XXYLT1: variants seen among roughly 807,000 people sequenced by gnomAD.
XXYLT1 encodes UDP-xylose:alpha-xyloside alpha-1,3-xylosyltransferase.
Under a neutral mutation model 28.9 loss-of-function variants are expected in XXYLT1, and 20 were observed. That is an observed-to-expected ratio of 0.69 (90% CI 0.49 to 1.00). The LOEUF (loss-of-function observed/expected upper bound fraction) is 1.00. Ranked by LOEUF, XXYLT1 falls within the 50% of genes least tolerant of loss-of-function variation. The pLI is 0.00. For synonymous variants in XXYLT1, 257 were observed against 253.8 expected (o/e 1.01, Z -0.12); for missense variants, 542 against 560.1 (o/e 0.97, Z 0.33).
chr3:195,138,976 G>A (rs986492811), intron 3 of XXYLT1, among the ~76,000 whole-genome samples: 2 of 152,094 alleles, frequency 1.3e-5, no homozygotes, highest in Admixed American at 6.6e-5. Flanking sequence ...GGCCCCAAGT[G>A]TGGAAGACAC....
intron 2 of XXYLT1, among the ~76,000 whole-genome samples, chr3:195,212,897 A>G (rs1167787157): frequency 6.6e-6 from 1 of 152,224 alleles, no homozygotes; most frequent in African/African-American, 2.4e-5. Flanking sequence ...GATCCTCTGA[A>G]GCCACTTGTT....
chr3:195,226,164 T>C (rs2108801417), intron 2 of XXYLT1, among the ~76,000 whole-genome samples: 1 of 152,280 alleles, frequency 6.6e-6, no homozygotes, highest in South Asian at 2.1e-4. Flanking sequence ...CCACATAAGC[T>C]GGACCTATCA....
At position 195,209,481 on chromosome 3, in the gene XXYLT1, C is replaced by G. The variant is rs1464442688; in HGVS notation, c.652+17228G>C. The G allele has an allele frequency of 6.6e-6, 1 of 152,292 alleles. No individual in the cohort carries two copies. The highest frequency in any genetic ancestry group is 1.5e-5 in the Non-Finnish European group (1 of 68,092). The allele number at this position is 152,292 out of a possible 1,614,324, so 9.4% of individuals were successfully genotyped here. A position where few individuals can be genotyped will look rare whatever the true frequency, so the allele number is the denominator to read the frequency against. On this transcript the variant is annotated intron_variant, in intron 2 of 3. Coordinates refer to ENST00000310380, the MANE Select transcript of XXYLT1 (RefSeq NM_152531.5). This position sits in a 1 kb window ranked among gnomAD's most constrained non-coding sequence, Gnocchi z 5.0. ...CAGCCACATCAGGCCCGACTTAGGACCCTCTGGGACCTTTACAACCCCAGA... is the reference window on the plus strand; with the variant it reads ...CAGCCACATCAGGCCCGACTTAGGAGCCTCTGGGACCTTTACAACCCCAGA...
intron 1 of XXYLT1, among the ~76,000 whole-genome samples, chr3:195,241,245 A>G (rs1724763182): frequency 6.6e-6 from 1 of 152,212 alleles, no homozygotes; most frequent in Non-Finnish European, 1.5e-5. Flanking sequence ...AGGACAAGCA[A>G]ACAAAATGAC....
In XXYLT1 at chr3:195,078,719, A is replaced by C. The variant is rs1715261328; in HGVS notation, c.786-8608T>G. ...GATGCATCCTGCTGCCACTCTCCCC[A>C]GTCCCCAGGGCTGCACACAGCCCCC... On this transcript the variant is annotated intron_variant, in intron 3 of 3. Transcript: ENST00000310380. The surrounding 1 kb of genome is among the most constrained non-coding windows in gnomAD (Gnocchi z 5.0). Among the ~76,000 whole-genome samples, 1 of 152,002 alleles carries C rather than the reference A, an allele frequency of 6.6e-6. No homozygotes were observed. Among genetic ancestry groups the C allele is most frequent in the Admixed American group, 6.6e-5 (1 of 15,258 alleles).
intron 2 of XXYLT1, among the ~76,000 whole-genome samples, chr3:195,190,860 G>C (rs1178056155): frequency 6.6e-6 from 1 of 151,964 alleles, no homozygotes; most frequent in Admixed American, 6.6e-5. Flanking sequence ...TGCATATTGT[G>C]AGCCCTAGGG....
chr3:195,207,138 C>T (rs1170637075), intron 2 of XXYLT1, among the ~76,000 whole-genome samples: 2 of 152,202 alleles, frequency 1.3e-5, no homozygotes, highest in Non-Finnish European at 2.9e-5. Context: ...GGAGCTGCCC[C>T]GGGCAGACTG....
chr3:195,120,903 G>A (rs1474187415), intron 3 of XXYLT1, among the ~76,000 whole-genome samples: 2 of 152,210 alleles, frequency 1.3e-5, no homozygotes, highest in Non-Finnish European at 2.9e-5. Context: ...AGGGTTCCTA[G>A]GGCTTACTCC....
At chr3:195,219,508 G>A (rs968677800) in intron 2 of XXYLT1, among the ~76,000 whole-genome samples, 1 of 152,248 alleles carries the variant, frequency 6.6e-6, no homozygotes, top group East Asian at 1.9e-4. Context: ...AAGGAATGAG[G>A]AAGGGAAGGA....
chr3:195,234,563 C>T (rs1325399870), intron 1 of XXYLT1, among the ~76,000 whole-genome samples: 3 of 152,060 alleles, frequency 2.0e-5, no homozygotes, highest in African/African-American at 7.3e-5. Flanking sequence ...AAGTGATCCA[C>T]CTGCCTCAGC....
chr3:195,070,070 C>G lies in XXYLT1; in HGVS notation c.827G>C (p.Arg276Pro), dbSNP rs62290268. 3,809 of 1,591,612 alleles carry G rather than the reference C, an allele frequency of 2.4e-3. 76 individuals carry two copies. In the East Asian group the frequency reaches 0.05, roughly 21 times the overall value. The change falls in exon 4 of 4, where the codon CGG (arginine) becomes CCG (proline). Residue 276 changes from arginine to proline, a missense_variant. Coordinates refer to ENST00000310380, the MANE Select transcript of XXYLT1 (RefSeq NM_152531.5). ...WQFRHENPQTRVGGPPPEGLP... is the reference protein window; with the variant it reads ...WQFRHENPQTPVGGPPPEGLP... Reference sequence around the variant, plus strand: ...CCCCTCGGGGGGCGGGCCCCCAACCCGGGTCTGGGGGTTCTCATGGCGGAA... The same window carrying G: ...CCCCTCGGGGGGCGGGCCCCCAACCGGGGTCTGGGGGTTCTCATGGCGGAA...
chr3:195,201,815 G>C (rs1277580378), intron 2 of XXYLT1, among the ~76,000 whole-genome samples: 2 of 152,182 alleles, frequency 1.3e-5, no homozygotes, highest in African/African-American at 2.4e-5. Flanking sequence ...TTAATTCCAA[G>C]TTTGGGACTT....
rs529009232 is a variant in XXYLT1 at position 195,085,312 on chromosome 3, C to T, written c.786-15201G>A. On this transcript the variant is annotated intron_variant, in intron 3 of 3. Transcript: ENST00000310380. ...ACCTCTTGGGAATGGTGACTCAGTA[C>T]CAGTGTCACAGTCCTGGTCCCCACC... Among the ~76,000 whole-genome samples the T allele has an allele frequency of 5.6e-4, 86 of 152,320 alleles. 3 individuals carry two copies. Among genetic ancestry groups the T allele is most frequent in the Middle Eastern group, 3.4e-3 (1 of 294 alleles).
intron 3 of XXYLT1, among the ~76,000 whole-genome samples, chr3:195,101,299 C>T (rs916276842): frequency 6.6e-6 from 1 of 152,214 alleles, no homozygotes; most frequent in East Asian, 1.9e-4. Flanking sequence ...AACACTGTAC[C>T]CCCACTGCCA....
intron 3 of XXYLT1, among the ~76,000 whole-genome samples, chr3:195,112,862 C>T (rs928667589): frequency 4.8e-4 from 56 of 116,896 alleles, no homozygotes; most frequent in African/African-American, 1.5e-3. Context: ...CGCATGCACA[C>T]ACATGCATGC....
At chr3:195,213,098 T>C (rs1388377222) in intron 2 of XXYLT1, among the ~76,000 whole-genome samples, 1 of 152,172 alleles carries the variant, frequency 6.6e-6, no homozygotes, top group East Asian at 1.9e-4. Flanking sequence ...ATAATTAAAA[T>C]GGCACACCCA....
At chr3:195,110,330 T>TGC (rs1560100818) in intron 3 of XXYLT1, among the ~76,000 whole-genome samples, 2 of 640 alleles carry the variant, frequency 3.1e-3, no homozygotes, top group African/African-American at 5.2e-3. Flanking sequence ...GAGGGTGAGG[T>TGC]GTGTGTATGT....
intron 3 of XXYLT1, among the ~76,000 whole-genome samples, chr3:195,141,205 T>G (rs556847335): frequency 6.6e-6 from 1 of 152,316 alleles, no homozygotes; most frequent in African/African-American, 2.4e-5. Context: ...CTTGGTAAGA[T>G]TCATCTATAC....
At chr3:195,160,621 G>C (rs1720821699) in intron 2 of XXYLT1, among the ~76,000 whole-genome samples, 1 of 152,222 alleles carries the variant, frequency 6.6e-6, no homozygotes, top group Non-Finnish European at 1.5e-5. Flanking sequence ...AGCACCTCTG[G>C]CCTGCGGGAG....
Sources: allele counts gnomAD v4.1 joint callset (sites outside exome capture counted in the v4.1 genomes callset), GRCh38; gene constraint gnomAD v4.1.1; non-coding constraint Gnocchi (gnomAD v3.1); transcripts MANE v1.5; gene names NCBI Gene and HGNC (gene_info 2026-07-23, HGNC 2026-07-21).